The following DTWD2 variants were observed in gnomAD, a reference collection of about 807,000 sequenced individuals.
The protein encoded by DTWD2 is tRNA-uridine aminocarboxypropyltransferase 2.
Under a neutral mutation model 31.8 loss-of-function variants are expected in DTWD2, and 39 were observed. That is an observed-to-expected ratio of 1.22 (90% CI 0.95 to 1.60). The LOEUF is 1.60. Among genes scored for constraint, DTWD2 ranks in the 40% most tolerant of loss-of-function variants. The pLI is 0.00. For missense variants in DTWD2, 515 were observed against 381.5 expected (o/e 1.35, Z -2.92); for synonymous variants, 180 against 142.8 (o/e 1.26, Z -1.86).
Position 118,847,671 on chromosome 5 carries a change from AAGTT to A in DTWD2, c.726+415_726+418del, listed in dbSNP as rs541048040. ...AAGCAAGGTTAACACGAGAAACAGA[AAGTT>A]AGTATACGGCACCAAGGCAAAAATA... is the stretch of plus-strand genomic sequence containing the variant. On this transcript the variant is annotated intron_variant, in intron 5 of 5. Transcript: ENST00000510708. Among the ~76,000 whole-genome samples, 140 of 152,140 alleles carry A rather than the reference AAGTT, an allele frequency of 9.2e-4. 1 individual carries two copies. The highest frequency in any genetic ancestry group is 3.3e-3 in the African/African-American group (138 of 41,530).
intron 1 of DTWD2, among the ~76,000 whole-genome samples, chr5:118,965,017 A>C: frequency 2.3e-5 from 3 of 130,528 alleles, no homozygotes; most frequent in Non-Finnish European, 4.9e-5. Context: ...CCGGCCGCCC[A>C]TCGTCTGAGA....
At chr5:118,862,130 A>G (rs1208828849) in intron 4 of DTWD2, among the ~76,000 whole-genome samples, 1 of 152,212 alleles carries the variant, frequency 6.6e-6, no homozygotes. Context: ...TGAATTGCAC[A>G]TGACAGGGAT....
At chr5:118,973,770 G>C in intron 1 of DTWD2, 6 of 1,610,600 alleles carry the variant, frequency 3.7e-6, no homozygotes, top group Non-Finnish European at 5.1e-6. Context: ...TTAATCGCCT[G>C]CATCGGATCA....
At chr5:118,941,786 G>A (rs1253724515) in intron 2 of DTWD2, among the ~76,000 whole-genome samples, 1 of 152,190 alleles carries the variant, frequency 6.6e-6, no homozygotes, top group Non-Finnish European at 1.5e-5. Flanking sequence ...CTAGTTTACA[G>A]TCCCATCAAC....
At chr5:118,883,600 A>G (rs1415060737) in intron 4 of DTWD2, among the ~76,000 whole-genome samples, 1 of 152,192 alleles carries the variant, frequency 6.6e-6, no homozygotes, top group Admixed American at 6.5e-5. Flanking sequence ...ACTTACGATC[A>G]TGGTAGAGGA....
At chr5:118,876,076 G>A (rs1030756281) in intron 4 of DTWD2, among the ~76,000 whole-genome samples, 7 of 152,108 alleles carry the variant, frequency 4.6e-5, no homozygotes, top group Non-Finnish European at 8.8e-5. Flanking sequence ...CAATTACATG[G>A]AAATTAAATA....
chr5:118,937,603 A>T (rs190548718), intron 3 of DTWD2, among the ~76,000 whole-genome samples: 1 of 152,190 alleles, frequency 6.6e-6, no homozygotes, highest in African/African-American at 2.4e-5. Flanking sequence ...GCTGACCACA[A>T]TAAAACCTAA....
In DTWD2 at chr5:118,882,109, G is replaced by A. The variant is rs1752754823; in HGVS notation, c.598-33891C>T. On this transcript the variant is annotated intron_variant, in intron 4 of 5. Transcript: ENST00000510708. ...TAGTTACTTCCAAGATACAATGGGA[G>A]TACAGGCATTGGGTAAATGTTCCCA... 3.9e-5 allele frequency among the ~76,000 whole-genome samples: 6 copies of A among 152,344 alleles called. No individual in the cohort carries two copies. In the South Asian group the frequency reaches 1.2e-3, roughly 32 times the overall value.
chr5:118,909,204 G>A (rs1442170223), intron 4 of DTWD2, among the ~76,000 whole-genome samples: 1 of 152,154 alleles, frequency 6.6e-6, no homozygotes, highest in Non-Finnish European at 1.5e-5. Context: ...GTGGCCTATT[G>A]GCATCAACCA....
chr5:118,971,409 G>A (rs1201907483), intron 1 of DTWD2, among the ~76,000 whole-genome samples: 1 of 152,038 alleles, frequency 6.6e-6, no homozygotes, highest in South Asian at 2.1e-4. Flanking sequence ...TATGGTAAAG[G>A]GTTCAGTTCA....
chr5:118,930,427 A>G (rs1753897672), intron 3 of DTWD2, among the ~76,000 whole-genome samples: 1 of 152,174 alleles, frequency 6.6e-6, no homozygotes, highest in East Asian at 1.9e-4. Context: ...AAAGAGTTTG[A>G]AAGTCATCAA....
At chr5:118,853,582 A>G (rs1752063491) in intron 4 of DTWD2, among the ~76,000 whole-genome samples, 1 of 152,226 alleles carries the variant, frequency 6.6e-6, no homozygotes, top group African/African-American at 2.4e-5. Flanking sequence ...AAAGAATGAA[A>G]TCATGTCCTT....
intron 4 of DTWD2, among the ~76,000 whole-genome samples, chr5:118,875,624 G>A (rs1267607881): frequency 6.7e-6 from 1 of 148,270 alleles, no homozygotes; most frequent in Non-Finnish European, 1.5e-5. Flanking sequence ...ACAAAAAGGT[G>A]CATTACATAA....
At position 118,969,076 on chromosome 5, in the gene DTWD2, C is replaced by A. The variant is rs189694782; in HGVS notation, c.218+19218G>T. On this transcript the variant is annotated intron_variant, in intron 1 of 5. Coordinates refer to ENST00000510708, the MANE Select transcript of DTWD2 (RefSeq NM_173666.4). Reference sequence around the variant, plus strand: ...GGTCAGACTGCTCCTCTAAGTGGGACCCTGCTTCATCCCTCCTCACTAGGT... The same window carrying A: ...GGTCAGACTGCTCCTCTAAGTGGGAACCTGCTTCATCCCTCCTCACTAGGT... Among the ~76,000 whole-genome samples, 131 of 152,254 alleles carry A rather than the reference C, an allele frequency of 8.6e-4. 2 individuals are homozygous for A. Among genetic ancestry groups the A allele is most frequent in the African/African-American group, 2.9e-3 (122 of 41,548 alleles).
chr5:118,948,200 G>A (rs1754381939), intron 1 of DTWD2, among the ~76,000 whole-genome samples: 1 of 152,152 alleles, frequency 6.6e-6, no homozygotes, highest in Admixed American at 6.5e-5. Context: ...TGTGGGCCAG[G>A]CACGGTGGCT....
chr5:118,878,366 C>T (rs559299976), intron 4 of DTWD2, among the ~76,000 whole-genome samples: 19 of 152,238 alleles, frequency 1.2e-4, no homozygotes, highest in African/African-American at 4.6e-4. Flanking sequence ...CACACACTTA[C>T]AACTATCTGA....
At chr5:118,958,725 C>T (rs1267768306) in intron 1 of DTWD2, among the ~76,000 whole-genome samples, 11 of 152,030 alleles carry the variant, frequency 7.2e-5, no homozygotes, top group African/African-American at 1.7e-4. Flanking sequence ...CCGAATCCAG[C>T]AGCACATCAA....
At chr5:118,986,312 G>T (rs1009691715) in intron 1 of DTWD2, among the ~76,000 whole-genome samples, 7 of 152,164 alleles carry the variant, frequency 4.6e-5, no homozygotes, top group African/African-American at 9.6e-5. Context: ...TACATTTATA[G>T]AATCTATATC....
chr5:118,982,981 G>A (rs1463105352), intron 1 of DTWD2, among the ~76,000 whole-genome samples: 1 of 152,098 alleles, frequency 6.6e-6, no homozygotes, highest in African/African-American at 2.4e-5. Context: ...GAGCCACTGT[G>A]CCTGGCCCAA....
Sources: gnomAD v4.1 joint callset for allele counts (sites outside exome capture counted in the v4.1 genomes callset) on GRCh38, gnomAD v4.1.1 for gene constraint, MANE v1.5 for transcripts, NCBI Gene and HGNC (gene_info 2026-07-23, HGNC 2026-07-21) for gene names.